The following INTS1 variants were observed in gnomAD, a reference collection of about 807,000 sequenced individuals.
INTS1 encodes the protein integrator complex subunit 1.
Under a neutral mutation model 241.6 loss-of-function variants are expected in INTS1, and 137 were observed. The observed-to-expected ratio is 0.57, with a 90% CI of 0.49 to 0.65. The LOEUF is 0.65. INTS1 is among the 30% of genes least tolerant of loss of function. The probability of loss-of-function intolerance (pLI) is 0.00; values close to 1 mark genes in which losing one functional copy is unlikely to be tolerated. For synonymous variants in INTS1, 1,692 were observed against 1,337.8 expected (o/e 1.26, Z -5.78); for missense variants, 3,073 against 3,032.2 (o/e 1.01, Z -0.32).
At position 1,480,303 on chromosome 7, in the gene INTS1, A is replaced by G. The variant is rs1781935916; in HGVS notation, c.4074+14T>C. The G allele has an allele frequency of 1.3e-6, 2 of 1,595,940 alleles. No individual in the cohort carries two copies. The highest frequency in any genetic ancestry group is 1.7e-6 in the Non-Finnish European group (2 of 1,169,560). On this transcript the variant is annotated intron_variant, in intron 30 of 47. Transcript: ENST00000404767. ...GGGCTGCAGGTGGAGACCCACATGCAGCAGCAACGCTACCTGGAGGAACAT... is the reference window on the plus strand; with the variant it reads ...GGGCTGCAGGTGGAGACCCACATGCGGCAGCAACGCTACCTGGAGGAACAT...
Position 1,470,376 on chromosome 7 carries a change from GC to G in INTS1, c.*200del. 1.9e-6 allele frequency: 1 copy of G among 516,372 alleles called. No individual in the cohort carries two copies. 32.0% of individuals were successfully genotyped at this position (516,372 alleles called of 1,614,324 possible). ...TGGCCCAGAAGGTGAATGAGGGCTTGCTGGACGGCCCCTGATGCCAGCGGCC... is the reference window on the plus strand; with the variant it reads ...TGGCCCAGAAGGTGAATGAGGGCTTGTGGACGGCCCCTGATGCCAGCGGCC... On this transcript the variant is annotated 3_prime_UTR_variant, in exon 48 of 48. Transcript: ENST00000404767.
chr7:1,495,144 G>A (rs1007726510), intron 13 of INTS1, among the ~76,000 whole-genome samples: 7 of 152,216 alleles, frequency 4.6e-5, no homozygotes, highest in African/African-American at 1.7e-4. Context: ...GCAGAGAAAT[G>A]CAGCCCCAGC....
intron 27 of INTS1, 79 bp downstream of exon 27, chr7:1,482,467 C>A (rs532575447): frequency 3.5e-6 from 5 of 1,442,864 alleles, no homozygotes; most frequent in Non-Finnish European, 4.7e-6. Flanking sequence ...CCGGAGGCTG[C>A]CCAGGCCCAC....
rs1782450330 is a variant in INTS1 at position 1,489,579 on chromosome 7, G to A, written c.2257+12C>T. 1 of 1,568,342 alleles carries A rather than the reference G, an allele frequency of 6.4e-7. No individual in the cohort carries two copies. The highest frequency in any genetic ancestry group is 1.4e-5 in the African/African-American group (1 of 74,052). ...GCCACGTGTGCGCATGGGGCGGCCA[G>A]CAGAGGCTCACCGATGTTCTCTGGG... On this transcript the variant is annotated intron_variant, in intron 17 of 47. Coordinates refer to ENST00000404767, the MANE Select transcript of INTS1 (RefSeq NM_001080453.3).
intron 2 of INTS1, among the ~76,000 whole-genome samples, chr7:1,503,538 C>A (rs970293369): frequency 6.6e-6 from 1 of 152,270 alleles, no homozygotes; most frequent in Non-Finnish European, 1.5e-5. Flanking sequence ...CAGCGTCACA[C>A]AGCAGGCGAG....
intron 16 of INTS1, among the ~76,000 whole-genome samples, chr7:1,491,334 C>A (rs922976221): frequency 2.0e-5 from 3 of 152,194 alleles, no homozygotes; most frequent in Non-Finnish European, 4.4e-5. Context: ...GCCAAGAGAA[C>A]CTCATCAGGG....
intron 26 of INTS1, chr7:1,482,959 G>A (rs1207548022): frequency 1.1e-5 from 6 of 526,600 alleles, no homozygotes; most frequent in African/African-American, 7.7e-5. Flanking sequence ...AAGGGGACAT[G>A]TGCGTGTCCC....
At chr7:1,487,709 A>C in intron 19 of INTS1, 51 bp downstream of exon 19, 1 of 1,588,878 alleles carries the variant, frequency 6.3e-7, no homozygotes, top group Non-Finnish European at 8.5e-7. Flanking sequence ...CACACCAACC[A>C]CCCACAGGTC....
rs753736710 is a variant in INTS1 at position 1,494,813 on chromosome 7, C to T, written c.1910+3G>A. The T allele has an allele frequency of 3.8e-6, 6 of 1,560,272 alleles. No homozygotes were observed. In the East Asian group the frequency reaches 9.6e-5, roughly 25 times the overall value. On this transcript the variant is annotated splice_donor_region_variant and intron_variant, in intron 14 of 47. Transcript: ENST00000404767. ...CAGGAGCCCCAGGCGGCAGCGCACT[C>T]ACTTGCGGTCACTCTCGGGTGGCCA... is the stretch of plus-strand genomic sequence containing the variant.
chr7:1,496,993 C>T (rs987991800), intron 11 of INTS1, 145 bp downstream of exon 11: 4 of 828,004 alleles, frequency 4.8e-6, no homozygotes, highest in South Asian at 1.8e-5. Context: ...GGACGCGTCA[C>T]CGCAAACAGC....
At chr7:1,484,205 A>G in intron 24 of INTS1, 35 bp from the exon 25 acceptor site, 1 of 1,584,954 alleles carries the variant, frequency 6.3e-7, no homozygotes, top group Non-Finnish European at 8.6e-7. Flanking sequence ...AGAGGCTCCG[A>G]GACAGCTCTG....
rs1470978997 is a variant in INTS1 at position 1,476,885 on chromosome 7, G to C, written c.4972C>G (p.Pro1658Ala). The C allele has an allele frequency of 1.2e-6, 2 of 1,612,476 alleles. No homozygotes were observed. The highest frequency in any genetic ancestry group is 2.2e-5 in the South Asian group (2 of 90,994). Residue 1658 changes from proline to alanine, a missense_variant, in exon 36 of 48, where the codon CCC becomes GCC. Transcript: ENST00000404767. ...KGQAQVPSFR[P>A]YLLTLFTHQS... ...TGCGTGAAGAGGGTCAGGAGGTAGG[G>C]ACGGAACGAGGGCACCTGGGCCTGA...
chr7:1,504,197 G>A (rs564310471), intron 1 of INTS1, 126 bp downstream of exon 1: 28 of 534,692 alleles, frequency 5.2e-5, no homozygotes, highest in African/African-American at 2.0e-4. Context: ...GGCGGCAGCA[G>A]GCGACGCGGA....
chr7:1,492,823 G>C lies in INTS1; in HGVS notation c.2165+187C>G, dbSNP rs575000359. On this transcript the variant is annotated intron_variant, in intron 16 of 47. Coordinates refer to ENST00000404767, the MANE Select transcript of INTS1 (RefSeq NM_001080453.3). The stretch of plus-strand genomic sequence containing the variant: ...TGAGCAGGCCCATGGGGAGTGGGGC[G>C]CGGGCTTACCCGGGCGGGAGTGGGG... Among the ~76,000 whole-genome samples the C allele has an allele frequency of 4.0e-5, 6 of 151,202 alleles. No individual in the cohort carries two copies. In the East Asian group the frequency reaches 1.2e-3, roughly 30 times the overall value.
chr7:1,475,833 A>G, intron 39 of INTS1, 115 bp downstream of exon 39: 5 of 1,315,684 alleles, frequency 3.8e-6, no homozygotes, highest in Non-Finnish European at 5.1e-6. Context: ...GCGGACTGGG[A>G]AGGGGCAAGA....
intron 42 of INTS1, 56 bp downstream of exon 42, chr7:1,473,509 AC>A: frequency 6.5e-7 from 1 of 1,545,280 alleles, no homozygotes; most frequent in Non-Finnish European, 8.7e-7. Flanking sequence ...CACCCTCCAG[AC>A]CCCGCTGGAC....
intron 40 of INTS1, 113 bp from the exon 41 acceptor site, chr7:1,474,473 C>CA: frequency 8.4e-7 from 1 of 1,197,586 alleles, no homozygotes; most frequent in Non-Finnish European, 1.1e-6. Flanking sequence ...TGCCCCCCAA[C>CA]CACCCTCCTG....
In INTS1 at chr7:1,479,494, A is replaced by G. The variant is rs369386122; in HGVS notation, c.4265T>C (p.Val1422Ala). The G allele has an allele frequency of 5.7e-6, 9 of 1,573,676 alleles. No individual in the cohort carries two copies. The highest frequency in any genetic ancestry group is 7.8e-6 in the Non-Finnish European group (9 of 1,160,848). ...GAAGTGGCTACGGTGCATGGACATC[A>G]CCAGGGCACCGCCGTGTGGGGAGCT... ...LLSSPHGGAL[V>A]MSMHRSHFLA... The change falls in exon 31 of 48, where the codon GTG (valine) becomes GCG (alanine). Residue 1422 changes from valine to alanine, a missense_variant. Transcript: ENST00000404767.
At chr7:1,476,174 G>T in intron 38 of INTS1, 55 bp downstream of exon 38, 1 of 1,527,984 alleles carries the variant, frequency 6.5e-7, no homozygotes, top group South Asian at 1.2e-5. Flanking sequence ...GCTGGGCCTC[G>T]ACCCCCTCCA....
Sources: allele counts gnomAD v4.1 joint callset (sites outside exome capture counted in the v4.1 genomes callset), GRCh38; gene constraint gnomAD v4.1.1; transcripts MANE v1.5; gene names NCBI Gene and HGNC (gene_info 2026-07-23, HGNC 2026-07-21).